DSE: variants seen among roughly 807,000 people sequenced by gnomAD.
The protein encoded by DSE is dermatan-sulfate epimerase.
Under a neutral mutation model 84.4 loss-of-function variants are expected in DSE, and 36 were observed. That is an observed-to-expected ratio of 0.43 (90% CI 0.33 to 0.56). The LOEUF is 0.56. Ranked by LOEUF, DSE falls within the 20% of genes least tolerant of loss-of-function variation. The probability of loss-of-function intolerance (pLI) is 0.06; values close to 1 mark genes in which losing one functional copy is unlikely to be tolerated. For synonymous variants in DSE, 410 were observed against 430.1 expected, an observed-to-expected ratio of 0.95 and a Z score of 0.58; for missense variants, 862 against 1,169.6, an observed-to-expected ratio of 0.74 and a Z score of 3.84.
At chr6:116,325,575 T>A (rs1002847170) in intron 2 of DSE, among the ~76,000 whole-genome samples, 4 of 152,184 alleles carry the variant, frequency 2.6e-5, no homozygotes, top group African/African-American at 7.2e-5. Flanking sequence ...TAGGTAGGTG[T>A]TCTCCTGCCA....
upstream of DSE, chr6:116,370,646 T>C: frequency 1.4e-6 from 1 of 711,858 alleles, no homozygotes; most frequent in Non-Finnish European, 1.7e-6. Flanking sequence ...TAGAACAAGT[T>C]AGAGCCAAAG....
Position 116,279,290 on chromosome 6 carries a change from C to T in DSE, c.-54+20323C>T, listed in dbSNP as rs3749894. ...TGCTCCTCCATTACCTCCTTCTCCG[C>T]CAGGCCTTCCTTCACCACCTCAGCG... On this transcript the variant is annotated intron_variant, in intron 2 of 3. Coordinates refer to the DSE transcript ENST00000430252. 238,588 of 1,565,222 alleles carry T rather than the reference C, an allele frequency of 0.15. 18,744 individuals are homozygous for T. The highest frequency in any genetic ancestry group is 0.31 in the African/African-American group (18,054 of 58,770).
chr6:116,282,512 A>G (rs1392413637), intron 2 of DSE, among the ~76,000 whole-genome samples: 2 of 152,076 alleles, frequency 1.3e-5, no homozygotes, highest in East Asian at 1.9e-4. Flanking sequence ...TATAATCAGG[A>G]CTCTGCTGAA....
At chr6:116,304,770 T>TC (rs1455025300) in intron 2 of DSE, among the ~76,000 whole-genome samples, 1 of 151,862 alleles carries the variant, frequency 6.6e-6, no homozygotes, top group Admixed American at 6.6e-5. Context: ...ATCCCCAGAG[T>TC]CCCCCCAGCC....
chr6:116,299,504 TTATATATATATATATATATATA>T lies in DSE; in HGVS notation c.-54+40564_-54+40585del, dbSNP rs71553739. Among the ~76,000 whole-genome samples the T allele has an allele frequency of 3.5e-4, 4 of 11,514 alleles. 1 individual carries two copies. The highest frequency in any genetic ancestry group is 7.8e-4 in the African/African-American group (4 of 5,132). The allele number at this position is 11,514 out of a possible 152,430, so 7.6% of individuals were successfully genotyped here. ...TCCTGAAAGGCTTCTTGAATTATTT[TTATATATATATATATATATATA>T]TATATATATATATATATATATATAT... is the stretch of plus-strand genomic sequence containing the variant. On this transcript the variant is annotated intron_variant, in intron 2 of 3. Transcript: ENST00000430252.
At chr6:116,342,113 C>T (rs536598947) in intron 2 of DSE, among the ~76,000 whole-genome samples, 1 of 152,090 alleles carries the variant, frequency 6.6e-6, no homozygotes, top group African/African-American at 2.4e-5. Flanking sequence ...TGGGGACAAC[C>T]AGAGACTATT....
Position 116,423,892 on chromosome 6 carries a change from G to A in DSE, c.417-2682G>A, listed in dbSNP as rs138090498. On this transcript the variant is annotated intron_variant, in intron 2 of 5. Coordinates refer to ENST00000644252, the MANE Select transcript of DSE (RefSeq NM_013352.4). ...GCCATAAACTTTTTTCTTTTGGGGC[G>A]CCAGTGTTACATTGAATTGGAAACT... Among the ~76,000 whole-genome samples, 8 of 152,294 alleles carry A rather than the reference G, an allele frequency of 5.3e-5. No homozygotes were observed. In the East Asian group the frequency reaches 1.5e-3, roughly 29 times the overall value.
At chr6:116,263,760 T>G (rs763316207) in intron 2 of DSE, among the ~76,000 whole-genome samples, 12 of 152,224 alleles carry the variant, frequency 7.9e-5, no homozygotes, top group Non-Finnish European at 1.6e-4. Context: ...CTTTCCACAT[T>G]TAGTGCTTCC....
At chr6:116,297,187 TACCCTAGGAGCCATCCTTAGCCAAAGTCA>T (rs1387079492) in intron 2 of DSE, among the ~76,000 whole-genome samples, 4 of 152,086 alleles carry the variant, frequency 2.6e-5, no homozygotes, top group East Asian at 1.9e-4. Context: ...AGGGAATTGA[TACCCTAGGAGCCATCCTTAGCCAAAGTCA>T]ACCCTAGGAG....
chr6:116,311,207 C>T (rs1562221767), intron 2 of DSE, among the ~76,000 whole-genome samples: 2 of 152,182 alleles, frequency 1.3e-5, no homozygotes. Flanking sequence ...AACACCTTGT[C>T]CTTCTTTAGT....
intron 1 of DSE, among the ~76,000 whole-genome samples, chr6:116,380,302 T>A (rs565373491): frequency 6.6e-6 from 1 of 151,974 alleles, no homozygotes; most frequent in Non-Finnish European, 1.5e-5. Context: ...AAAATAAATA[T>A]AACATAGTTT....
At chr6:116,309,828 C>A (rs980228542) in intron 2 of DSE, among the ~76,000 whole-genome samples, 1 of 152,144 alleles carries the variant, frequency 6.6e-6, no homozygotes, top group African/African-American at 2.4e-5. Context: ...CTATCAAGCC[C>A]TTTTATAAGG....
At position 116,263,956 on chromosome 6, in the gene DSE, A is replaced by C. The variant is rs1422721436; in HGVS notation, c.-54+4989A>C. ...CTTCTGGCTTGTAGGATTTCCACTA[A>C]GAAGTCCACCATAAGTCTGAGGGGC... is the stretch of plus-strand genomic sequence containing the variant. On this transcript the variant is annotated intron_variant, in intron 2 of 3. Coordinates refer to the DSE transcript ENST00000430252. 4.6e-5 allele frequency among the ~76,000 whole-genome samples: 7 copies of C among 152,326 alleles called. No individual in the cohort carries two copies. The East Asian group carries it at 1.3e-3, about 29-fold the overall frequency.
chr6:116,347,197 A>G (rs1778028776), intron 2 of DSE, among the ~76,000 whole-genome samples: 1 of 152,194 alleles, frequency 6.6e-6, no homozygotes, highest in African/African-American at 2.4e-5. Flanking sequence ...ATACTGTCCA[A>G]GGTAATTTAT....
chr6:116,255,057 G>A (rs1772090028), intron 1 of DSE: 2 of 152,212 alleles, frequency 1.3e-5, no homozygotes, highest in African/African-American at 2.4e-5. Context: ...TCATTTGATA[G>A]TGATTATCAG....
In DSE at chr6:116,437,103, C is replaced by T. The variant is rs113277624; in HGVS notation, c.2635C>T (p.Arg879Trp). Residue 879 changes from arginine (R) to tryptophan (W), a missense_variant, in exon 6 of 6, where the codon CGG becomes TGG. Arg to Trp is a moderately radical substitution (Grantham distance 101). This residue lies in a region of DSE where 315 missense variants were observed against 348.1 expected (regional missense o/e 0.90). Coordinates refer to ENST00000644252, the MANE Select transcript of DSE (RefSeq NM_013352.4). ...TAAAAATGGGGGCTTGATTAAAGGC[C>T]GGTTTGGACAGGCACGGATGGTGAC... is the stretch of plus-strand genomic sequence containing the variant. ...KHKNGGLIKG[R>W]FGQARMVTTT... 5.6e-5 allele frequency: 91 copies of T among 1,614,062 alleles called. No homozygotes were observed. The highest frequency in any genetic ancestry group is 6.7e-5 in the African/African-American group (5 of 75,008).
At chr6:116,296,809 CTGTT>C (rs1318185608) in intron 2 of DSE, among the ~76,000 whole-genome samples, 1 of 152,140 alleles carries the variant, frequency 6.6e-6, no homozygotes, top group South Asian at 2.1e-4. Flanking sequence ...CAATGAGAAT[CTGTT>C]TGGATTTTTG....
intron 2 of DSE, among the ~76,000 whole-genome samples, chr6:116,423,656 C>T (rs1048478741): frequency 6.6e-6 from 1 of 152,214 alleles, no homozygotes; most frequent in African/African-American, 2.4e-5. Flanking sequence ...TGGTCAGGAT[C>T]ACATTGAATA....
At chr6:116,340,385 G>T (rs1048623441) in intron 2 of DSE, among the ~76,000 whole-genome samples, 2 of 152,104 alleles carry the variant, frequency 1.3e-5, no homozygotes, top group Non-Finnish European at 2.9e-5. Context: ...AGGGCTTCTA[G>T]TGAATTCTTC....
Sources: gnomAD v4.1 joint callset for allele counts (sites outside exome capture counted in the v4.1 genomes callset) on GRCh38, gnomAD v4.1.1 for gene constraint, gnomAD v4.1.1 regional missense constraint, MANE v1.5 for transcripts, NCBI Gene and HGNC (gene_info 2026-07-23, HGNC 2026-07-21) for gene names.